Variants in SRFBP1 observed in about 807,000 individuals in gnomAD.
SRFBP1 encodes serum response factor-binding protein 1.
A neutral mutation model predicts 45.5 loss-of-function variants in SRFBP1; 47 were observed. The observed-to-expected ratio is 1.03, with a 90% CI of 0.82 to 1.32. SRFBP1 has a LOEUF of 1.32. Ranked by LOEUF, SRFBP1 falls within the 40% of genes most tolerant of loss-of-function variation. The pLI, the probability that SRFBP1 is intolerant of heterozygous loss-of-function variation, is 0.00. For synonymous variants in SRFBP1, 203 were observed against 166.3 expected, an observed-to-expected ratio of 1.22 and a Z score of -1.70; for missense variants, 621 against 484.6, an observed-to-expected ratio of 1.28 and a Z score of -2.64.
rs1264953741 is a variant in SRFBP1, at chr5:122,051,819, G to A, written n.312-23496G>A. Among the ~76,000 whole-genome samples, 5 of 152,066 alleles carry A rather than the reference G, an allele frequency of 3.3e-5. No individual in the cohort carries two copies. The East Asian group carries it at 9.7e-4, about 29-fold the overall frequency. On this transcript the variant is annotated intron_variant and non_coding_transcript_variant, in intron 2 of 2. Transcript: ENST00000504881. ...CATGTTCTTAGCTGGTTATTATGCA[G>A]ACTTTTTGTGTGGTTGCTTTGTAGT...
intron 3 of SRFBP1, among the ~76,000 whole-genome samples, chr5:121,987,113 A>G (rs920522431): frequency 3.9e-5 from 6 of 152,176 alleles, no homozygotes; most frequent in African/African-American, 1.4e-4. Flanking sequence ...TTAGGCTATT[A>G]TAATCCACAC....
chr5:122,036,796 C>A (rs534485122), intron 2 of SRFBP1, among the ~76,000 whole-genome samples: 3 of 152,086 alleles, frequency 2.0e-5, no homozygotes, highest in Admixed American at 2.0e-4. Context: ...CTAGGTTTTG[C>A]CCCATGTACC....
In SRFBP1 at chr5:122,057,234, ACAAAAACAGCTC is replaced by A. The variant is rs540687363; in HGVS notation, n.312-18072_312-18061del. Among the ~76,000 whole-genome samples, 181 of 152,310 alleles carry A rather than the reference ACAAAAACAGCTC, an allele frequency of 1.2e-3. 2 individuals carry two copies. Among genetic ancestry groups the A allele is most frequent in the African/African-American group, 4.2e-3 (174 of 41,572 alleles). On this transcript the variant is annotated intron_variant and non_coding_transcript_variant, in intron 2 of 2. Coordinates refer to the SRFBP1 transcript ENST00000504881. ...TGGGAGAAAAATACACATGCACATG[ACAAAAACAGCTC>A]CAAAAACAATGTTTTGGCTTTTCTC...
At chr5:122,035,154 TTTG>T (rs1236912587) in intron 2 of SRFBP1, among the ~76,000 whole-genome samples, 5 of 152,148 alleles carry the variant, frequency 3.3e-5, no homozygotes, top group Non-Finnish European at 5.9e-5. Context: ...GGCTTAAGTT[TTTG>T]TTGTTGTTTG....
At chr5:122,006,044 C>CA (rs1304114056) in intron 4 of SRFBP1, among the ~76,000 whole-genome samples, 1 of 152,124 alleles carries the variant, frequency 6.6e-6, no homozygotes, top group Admixed American at 6.5e-5. Flanking sequence ...TCTTTCAACT[C>CA]AAAGAACTCC....
intron 1 of SRFBP1, among the ~76,000 whole-genome samples, chr5:121,967,385 T>C (rs1752094684): frequency 1.3e-5 from 2 of 152,182 alleles, no homozygotes; most frequent in Admixed American, 1.3e-4. Flanking sequence ...TTCTGGGAAG[T>C]TTTGCTAGGT....
At chr5:122,019,203 T>A in intron 4 of SRFBP1, 57 bp from the exon 5 acceptor site, 3 of 1,407,404 alleles carry the variant, frequency 2.1e-6, no homozygotes, top group Non-Finnish European at 3.0e-6. Flanking sequence ...TTATTCACTT[T>A]CAATAGTGTC....
intron 2 of SRFBP1, among the ~76,000 whole-genome samples, chr5:122,047,319 CT>C (rs1285821435): frequency 4.6e-5 from 7 of 152,174 alleles, no homozygotes. Context: ...TTCCCCATTG[CT>C]TGTTTTTGTC....
chr5:122,014,571 T>A (rs1035410781), intron 4 of SRFBP1, among the ~76,000 whole-genome samples: 1 of 151,722 alleles, frequency 6.6e-6, no homozygotes, highest in South Asian at 2.1e-4. Context: ...AAAAAAAAAA[T>A]TAAAAAAATC....
At chr5:122,032,466 G>A (rs377674154), downstream of SRFBP1, among the ~76,000 whole-genome samples, 100 of 147,876 alleles carry the variant, frequency 6.8e-4, 3 homozygotes, top group South Asian at 0.019. Context: ...TTGCACAGAT[G>A]AACAAATATA....
At chr5:121,970,855 C>T (rs954487940) in intron 1 of SRFBP1, among the ~76,000 whole-genome samples, 1 of 151,952 alleles carries the variant, frequency 6.6e-6, no homozygotes, top group African/African-American at 2.4e-5. Flanking sequence ...AATTTATAAC[C>T]TACTGGGGAA....
intron 2 of SRFBP1, among the ~76,000 whole-genome samples, chr5:122,048,484 A>G (rs952192355): frequency 3.9e-5 from 6 of 152,212 alleles, no homozygotes; most frequent in Admixed American, 3.9e-4. Context: ...AATGTTCATC[A>G]AGGATATTGG....
In SRFBP1 at chr5:121,967,643, G is replaced by A. The variant is rs553342718; in HGVS notation, c.36+5575G>A. Among the ~76,000 whole-genome samples the A allele has an allele frequency of 8.9e-4, 135 of 152,224 alleles. 4 individuals are homozygous for A. The South Asian group carries it at 0.023, about 26-fold the overall frequency. On this transcript the variant is annotated intron_variant, in intron 1 of 7. Coordinates refer to ENST00000339397, the MANE Select transcript of SRFBP1 (RefSeq NM_152546.3). ...AGCTCACGAGTTTGAGACCAGCCTG[G>A]GCGACATGGTGAAACCCCGTCTCTA...
rs368947781 is a variant in SRFBP1 at position 122,074,132 on chromosome 5, G to A, written n.312-1183G>A. The A allele has an allele frequency of 9.1e-5, 147 of 1,613,996 alleles. No individual in the cohort carries two copies. Among genetic ancestry groups the A allele is most frequent in the Non-Finnish European group, 1.2e-4 (138 of 1,179,988 alleles). ...CTCCTCTGGGTGTTGGCATCAAGCA[G>A]GTCATAGTGGCTAAACTCATCCATA... On this transcript the variant is annotated intron_variant and non_coding_transcript_variant, in intron 2 of 2. Transcript: ENST00000504881.
At chr5:121,989,167 G>T (rs149190742) in intron 3 of SRFBP1, among the ~76,000 whole-genome samples, 6,728 of 152,034 alleles carry the variant, frequency 0.044, 175 homozygotes, top group African/African-American at 0.06. Context: ...AGGTTCAAGC[G>T]ATTCTCCTAC....
At chr5:122,042,064 G>A (rs1753782802) in intron 2 of SRFBP1, among the ~76,000 whole-genome samples, 1 of 151,806 alleles carries the variant, frequency 6.6e-6, no homozygotes, top group Middle Eastern at 3.5e-3. Flanking sequence ...ATGATTTTTT[G>A]TTGTTCTTTA....
chr5:122,007,568 G>T (rs1336944813), intron 4 of SRFBP1, among the ~76,000 whole-genome samples: 1 of 151,976 alleles, frequency 6.6e-6, no homozygotes, highest in Non-Finnish European at 1.5e-5. Context: ...CTGTTTTAGA[G>T]GCTAGGTCCA....
intron 2 of SRFBP1, among the ~76,000 whole-genome samples, chr5:122,054,927 A>C (rs1001699857): frequency 6.6e-6 from 1 of 152,190 alleles, no homozygotes; most frequent in Non-Finnish European, 1.5e-5. Context: ...ACATTCTGTA[A>C]TACCACCCAA....
chr5:122,032,737 A>C (rs961380629), downstream of SRFBP1, among the ~76,000 whole-genome samples: 1 of 152,338 alleles, frequency 6.6e-6, no homozygotes, highest in South Asian at 2.1e-4. Flanking sequence ...CAAAGGAAAT[A>C]TATGAAAAAA....
Sources: gnomAD v4.1 joint callset for allele counts (sites outside exome capture counted in the v4.1 genomes callset) on GRCh38, gnomAD v4.1.1 for gene constraint, MANE v1.5 for transcripts, NCBI Gene and HGNC (gene_info 2026-07-23, HGNC 2026-07-21) for gene names.